ASTN2: variants seen among roughly 807,000 people sequenced by gnomAD.
ASTN2 encodes the protein astrotactin 2, also known as astrotactin-2.
Under a neutral mutation model 139.8 loss-of-function variants are expected in ASTN2, and 54 were observed. That is an observed-to-expected ratio of 0.39 (90% confidence interval 0.31 to 0.48). The LOEUF (loss-of-function observed/expected upper bound fraction) is 0.48, where lower values mean the gene tolerates loss of function less well. Among genes scored for constraint, ASTN2 ranks in the 20% least tolerant of loss-of-function variants. ASTN2 has a pLI of 0.95. For missense variants in ASTN2, 1,565 were observed against 1,725.1 expected, an observed-to-expected ratio of 0.91 and a Z score of 1.64; for synonymous variants, 756 against 719.5, an observed-to-expected ratio of 1.05 and a Z score of -0.81.
Position 117,316,741 on chromosome 9 carries a change from C to T in ASTN2, c.443-25228G>A, listed in dbSNP as rs1248556150. 3.3e-5 allele frequency among the ~76,000 whole-genome samples: 5 copies of T among 152,158 alleles called. No homozygotes were observed. The East Asian group carries it at 7.7e-4, about 23-fold the overall frequency. On this transcript the variant is annotated intron_variant, in intron 1 of 22. Transcript: ENST00000313400. ...TCCCCATTTCAGGTTTCCATATGGG[C>T]CTCATAGGGAGAAGAATAAACCACA...
At chr9:116,677,483 G>C (rs1859580304) in intron 16 of ASTN2, among the ~76,000 whole-genome samples, 1 of 152,116 alleles carries the variant, frequency 6.6e-6, no homozygotes, top group Non-Finnish European at 1.5e-5. Flanking sequence ...GTAATAACTA[G>C]GTAGGAAATA....
chr9:117,326,369 C>T (rs933814293), intron 1 of ASTN2, among the ~76,000 whole-genome samples: 5 of 152,182 alleles, frequency 3.3e-5, no homozygotes, highest in African/African-American at 1.2e-4. Flanking sequence ...AAGACTCAAA[C>T]AAGCTTTAGC....
At chr9:116,687,024 G>T in intron 16 of ASTN2, 4 of 1,382,040 alleles carry the variant, frequency 2.9e-6, no homozygotes, top group South Asian at 3.1e-5. Flanking sequence ...TAGACATTGA[G>T]ACTGGAGTCA....
Position 116,651,530 on chromosome 9 carries a change from C to G in ASTN2, c.3070G>C (p.Glu1024Gln). Residue 1024 changes from glutamate to glutamine, a missense_variant and splice_region_variant, in exon 17 of 23, where the codon GAG becomes CAG. By Grantham distance (29) the Glu-to-Gln change is conservative. Around this residue, in one of 4 missense-constraint regions of ASTN2, gnomAD observed 418 missense variants for 465.8 expected, o/e 0.90. Transcript: ENST00000313400. ...YTLIQDNGTKEAFKSALMSSY... is the reference protein window; with the variant it reads ...YTLIQDNGTKQAFKSALMSSY... ...GTGGCTGGGCCAGGGGAGCTCACCT[C>G]CTTTGTGCCATTGTCTTGGATGAGG... is the stretch of plus-strand genomic sequence containing the variant. 6.2e-7 allele frequency: 1 copy of G among 1,613,210 alleles called. No individual in the cohort carries two copies. Among genetic ancestry groups the G allele is most frequent in the Non-Finnish European group, 8.5e-7 (1 of 1,179,316 alleles).
chr9:116,942,628 A>C (rs1278357134), intron 10 of ASTN2, among the ~76,000 whole-genome samples: 1 of 152,256 alleles, frequency 6.6e-6, no homozygotes, highest in Non-Finnish European at 1.5e-5. Flanking sequence ...GTGTGCACAC[A>C]CACACTCAAC....
intron 2 of ASTN2, among the ~76,000 whole-genome samples, chr9:117,215,493 T>TATTATATATATAATATATATA (rs1832288038): frequency 6.7e-6 from 1 of 149,686 alleles, no homozygotes; most frequent in African/African-American, 2.4e-5. Flanking sequence ...AATGTGTATA[T>TATTATATATATAATATATATA]ATATACATTT....
chr9:116,434,898 C>A lies in ASTN2; in HGVS notation c.3782+5711G>T, dbSNP rs183978937. Among the ~76,000 whole-genome samples the A allele has an allele frequency of 1.3e-3, 198 of 152,262 alleles. 1 individual carries two copies. The highest frequency in any genetic ancestry group is 7.3e-3 in the South Asian group (35 of 4,810). ...GAGGTTAAGAGATGTCCTTTCGTCA[C>A]TAAATCTTATGGGGATATATGACCA... On this transcript the variant is annotated intron_variant, in intron 22 of 22. Transcript: ENST00000313400.
At chr9:117,061,505 A>G (rs1165745500) in intron 5 of ASTN2, among the ~76,000 whole-genome samples, 1 of 152,158 alleles carries the variant, frequency 6.6e-6, no homozygotes, top group Non-Finnish European at 1.5e-5. Context: ...CATCAGGAAG[A>G]GGACTCCTGT....
At chr9:117,140,762 A>G (rs2132856521) in intron 4 of ASTN2, among the ~76,000 whole-genome samples, 1 of 152,302 alleles carries the variant, frequency 6.6e-6, no homozygotes, top group Non-Finnish European at 1.5e-5. Flanking sequence ...TGGGTTAGGC[A>G]CTGTGCTGAG....
chr9:117,410,509 T>C (rs1476766118), intron 1 of ASTN2, among the ~76,000 whole-genome samples: 1 of 152,184 alleles, frequency 6.6e-6, no homozygotes, highest in Non-Finnish European at 1.5e-5. Flanking sequence ...GAAAGGATTA[T>C]TTTAGAGCTC....
At chr9:117,216,633 C>T (rs1832329946) in intron 2 of ASTN2, among the ~76,000 whole-genome samples, 1 of 152,016 alleles carries the variant, frequency 6.6e-6, no homozygotes, top group African/African-American at 2.4e-5. Context: ...AACAATGAAT[C>T]TTTTTTTTCC....
intron 3 of ASTN2, among the ~76,000 whole-genome samples, chr9:117,145,823 C>CTT (rs199661649): frequency 6.6e-6 from 1 of 152,038 alleles, no homozygotes; most frequent in African/African-American, 2.4e-5. Context: ...GCTTCCCTCT[C>CTT]TTTTTTTTCA....
At chr9:117,206,118 T>C (rs532093483) in intron 3 of ASTN2, among the ~76,000 whole-genome samples, 1 of 151,974 alleles carries the variant, frequency 6.6e-6, no homozygotes, top group Non-Finnish European at 1.5e-5. Flanking sequence ...ACCAAAGCAA[T>C]GAATAAACAG....
intron 12 of ASTN2, among the ~76,000 whole-genome samples, chr9:116,809,314 C>T (rs1046031619): frequency 9.2e-5 from 14 of 151,994 alleles, no homozygotes; most frequent in Non-Finnish European, 1.9e-4. Flanking sequence ...AAATGGGTAG[C>T]CAATTGTCTG....
At chr9:117,041,272 GC>G (rs1838561817) in intron 5 of ASTN2, among the ~76,000 whole-genome samples, 2 of 151,936 alleles carry the variant, frequency 1.3e-5, no homozygotes, top group Admixed American at 1.3e-4. Context: ...TTACTGCTAG[GC>G]TCTTCTTTTA....
intron 5 of ASTN2, among the ~76,000 whole-genome samples, chr9:117,093,400 T>C (rs193281164): frequency 1.1e-4 from 16 of 152,324 alleles, no homozygotes; most frequent in Non-Finnish European, 1.8e-4. Context: ...AGGGAATTGA[T>C]GCACAGAGAC....
chr9:116,953,705 C>G (rs2132490687), intron 10 of ASTN2, among the ~76,000 whole-genome samples: 1 of 152,316 alleles, frequency 6.6e-6, no homozygotes, highest in East Asian at 1.9e-4. Context: ...GTGCAAAGCC[C>G]TGCACTATGT....
chr9:117,235,260 G>A (rs1330810735), intron 2 of ASTN2, among the ~76,000 whole-genome samples: 1 of 151,586 alleles, frequency 6.6e-6, no homozygotes, highest in Non-Finnish European at 1.5e-5. Context: ...AAAGGCGGGG[G>A]GAGGATAAAA....
chr9:116,913,938 T>C (rs978686851), intron 10 of ASTN2, among the ~76,000 whole-genome samples: 4 of 150,866 alleles, frequency 2.7e-5, no homozygotes, highest in Non-Finnish European at 5.9e-5. Flanking sequence ...TCTGTGAGTA[T>C]GTTTCTAGCT....
Sources: gnomAD v4.1 joint callset for allele counts (sites outside exome capture counted in the v4.1 genomes callset) on GRCh38, gnomAD v4.1.1 for gene constraint, gnomAD v4.1.1 regional missense constraint, MANE v1.5 for transcripts, NCBI Gene and HGNC (gene_info 2026-07-23, HGNC 2026-07-21) for gene names.